The following SLC9A7 variants were observed in gnomAD, a reference collection of about 807,000 sequenced individuals.
SLC9A7 encodes sodium/hydrogen exchanger 7.
A neutral mutation model predicts 52.6 loss-of-function variants in SLC9A7; 19 were observed. That is an observed-to-expected ratio of 0.36 (90% CI 0.25 to 0.53). The LOEUF (loss-of-function observed/expected upper bound fraction) is 0.53, where lower values mean the gene tolerates loss of function less well. SLC9A7 is among the 20% of genes least tolerant of loss of function. The pLI, the probability that SLC9A7 is intolerant of heterozygous loss-of-function variation, is 0.91. For missense variants in SLC9A7, 455 were observed against 597.9 expected, an observed-to-expected ratio of 0.76 and a Z score of 2.49; for synonymous variants, 226 against 252.1, an observed-to-expected ratio of 0.90 and a Z score of 0.98.
rs1208661699 is a variant in SLC9A7, at chrX:46,600,216, C to T, written c.*6736G>A. ...CTAAATGTCCATGCAGTTAAGTCAT[C>T]CAGTAACACCTGAATTGTAGCCTTT... On this transcript the variant is annotated 3_prime_UTR_variant, in exon 17 of 17. Transcript: ENST00000616978. 8.9e-6 allele frequency: 1 copy of T among 112,181 alleles called. No homozygotes were observed. Among genetic ancestry groups the T allele is most frequent in the Non-Finnish European group, 1.9e-5 (1 of 53,283 alleles). The allele number at this position is 112,181 out of a possible 1,213,427, so 9.2% of individuals were successfully genotyped here.
intron 1 of SLC9A7, chrX:46,725,826 G>T: frequency 1.6e-6 from 1 of 617,078 alleles, no homozygotes; most frequent in East Asian, 3.4e-5. Flanking sequence ...GATCTTGAGC[G>T]GCCGCAAAGA....
chrX:46,752,842 C>T (rs1218319830), intron 1 of SLC9A7, among the ~76,000 whole-genome samples: 4 of 111,544 alleles, frequency 3.6e-5, no homozygotes, highest in African/African-American at 1.3e-4. Flanking sequence ...TACCATGTTC[C>T]CCAATAACCT....
intron 1 of SLC9A7, among the ~76,000 whole-genome samples, chrX:46,684,361 C>T (rs1209465122): frequency 9.0e-6 from 1 of 110,627 alleles, no homozygotes; most frequent in Non-Finnish European, 1.9e-5. Flanking sequence ...TGCGCTATCA[C>T]ACCCAGCTAA....
intron 1 of SLC9A7, among the ~76,000 whole-genome samples, chrX:46,740,152 CCAAAGGA>C (rs1265284222): frequency 3.6e-5 from 4 of 111,290 alleles, no homozygotes; most frequent in Non-Finnish European, 7.5e-5. Flanking sequence ...AAAATAAATA[CCAAAGGA>C]CAGAGTGTAT....
intron 12 of SLC9A7, among the ~76,000 whole-genome samples, chrX:46,636,095 T>C (rs1040368121): frequency 8.9e-6 from 1 of 112,005 alleles, no homozygotes; most frequent in African/African-American, 3.3e-5. Context: ...AAGCATGATA[T>C]TATTGAAAAA....
intron 15 of SLC9A7, among the ~76,000 whole-genome samples, chrX:46,620,662 G>A (rs748976599): frequency 9.0e-6 from 1 of 111,332 alleles, no homozygotes; most frequent in African/African-American, 3.3e-5. Context: ...ACCACAGCAC[G>A]ATTCATTGCG....
intron 3 of SLC9A7, among the ~76,000 whole-genome samples, chrX:46,674,835 T>C (rs1291783829): frequency 9.0e-6 from 1 of 111,614 alleles, no homozygotes; most frequent in African/African-American, 3.3e-5. Context: ...TGGCATGCCC[T>C]GGCAAAGTCT....
In SLC9A7 at chrX:46,742,486, T is replaced by C. The variant is rs188963408; in HGVS notation, c.325+16219A>G. Reference sequence around the variant, plus strand: ...ACAAGGGTGAATCTCCAAGGCATTATGAAGAGTGAAAAGGCTAGTCCCAAA... The same window carrying C: ...ACAAGGGTGAATCTCCAAGGCATTACGAAGAGTGAAAAGGCTAGTCCCAAA... On this transcript the variant is annotated intron_variant, in intron 1 of 16. Coordinates refer to ENST00000616978, the MANE Select transcript of SLC9A7 (RefSeq NM_001257291.2). Among the ~76,000 whole-genome samples, 13 of 110,618 alleles carry C rather than the reference T, an allele frequency of 1.2e-4. No homozygotes were observed. In the East Asian group the frequency reaches 2.2e-3, roughly 19 times the overall value.
At chrX:46,717,636 T>A (rs1278177819) in intron 1 of SLC9A7, among the ~76,000 whole-genome samples, 2 of 111,688 alleles carry the variant, frequency 1.8e-5, no homozygotes, top group Non-Finnish European at 3.8e-5. Context: ...CATCTCAGCC[T>A]CCCAAAGTGC....
intron 1 of SLC9A7, among the ~76,000 whole-genome samples, chrX:46,704,746 G>A (rs779874902): frequency 3.6e-5 from 4 of 111,549 alleles, no homozygotes; most frequent in Non-Finnish European, 5.6e-5. Context: ...TACCCAACTG[G>A]TGGACCCTGT....
intron 1 of SLC9A7, among the ~76,000 whole-genome samples, chrX:46,727,101 T>C (rs1438096667): frequency 8.9e-6 from 1 of 111,819 alleles, no homozygotes; most frequent in East Asian, 2.8e-4. Context: ...TGAATGCCAA[T>C]TCACTTTTTA....
At chrX:46,702,165 G>A (rs919844666) in intron 1 of SLC9A7, among the ~76,000 whole-genome samples, 2 of 111,727 alleles carry the variant, frequency 1.8e-5, no homozygotes, top group African/African-American at 6.5e-5. Flanking sequence ...TGGTCTCACT[G>A]CTGTGTAGTA....
rs147756324 is a variant in SLC9A7, at chrX:46,628,227, G to A, written c.1740+3359C>T. 3.1e-3 allele frequency among the ~76,000 whole-genome samples: 344 copies of A among 112,096 alleles called. 3 individuals carry two copies. The highest frequency in any genetic ancestry group is 0.011 in the African/African-American group (332 of 30,853). On this transcript the variant is annotated intron_variant, in intron 14 of 16. Coordinates refer to ENST00000616978, the MANE Select transcript of SLC9A7 (RefSeq NM_001257291.2). ...AAGTGAATGATGTGTCTGCATGTAC[G>A]GCCAACAGAAATCTCAGCTGTCTGG...
chrX:46,711,877 T>C (rs1420714388), intron 1 of SLC9A7, among the ~76,000 whole-genome samples: 1 of 92,254 alleles, frequency 1.1e-5, no homozygotes, highest in Non-Finnish European at 2.1e-5. Context: ...AGGCACTCCC[T>C]TTAACGGCAC....
At chrX:46,727,550 G>A (rs771327427) in intron 1 of SLC9A7, among the ~76,000 whole-genome samples, 3 of 112,014 alleles carry the variant, frequency 2.7e-5, no homozygotes, top group Non-Finnish European at 3.8e-5. Context: ...AGGAAGATAC[G>A]CCAGAGGGAT....
intron 12 of SLC9A7, 109 bp downstream of exon 12, chrX:46,643,127 A>G (rs1199378933): frequency 1.4e-6 from 1 of 711,115 alleles, no homozygotes; most frequent in African/African-American, 2.1e-5. Context: ...AAAACCAAAG[A>G]CTGTAAAAGG....
intron 1 of SLC9A7, among the ~76,000 whole-genome samples, chrX:46,732,169 T>C (rs752608827): frequency 7.2e-5 from 8 of 111,336 alleles, no homozygotes; most frequent in Non-Finnish European, 1.5e-4. Context: ...GAGGTTGCAG[T>C]AAACTGAGAT....
At position 46,694,651 on chromosome X, in the gene SLC9A7, TGTG is replaced by T. The variant is rs758608487; in HGVS notation, c.326-12119_326-12117del. Among the ~76,000 whole-genome samples the T allele has an allele frequency of 6.6e-3, 735 of 112,010 alleles. 6 individuals carry two copies. Among genetic ancestry groups the T allele is most frequent in the African/African-American group, 0.023 (704 of 30,821 alleles). On this transcript the variant is annotated intron_variant, in intron 1 of 16. Transcript: ENST00000616978. ...TACGCTGCTGGTGGGAATGTATAAT[TGTG>T]CAGCCACTTTGGAAAACAGTTTGCA...
chrX:46,613,501 C>A (rs1893854538), intron 15 of SLC9A7, 107 bp from the exon 16 acceptor site: 1 of 494,915 alleles, frequency 2.0e-6, no homozygotes, highest in Admixed American at 3.9e-5. Context: ...TTCTTTTCCC[C>A]ATTTTACTCG....
Sources: gnomAD v4.1 joint callset for allele counts (sites outside exome capture counted in the v4.1 genomes callset) on GRCh38, gnomAD v4.1.1 for gene constraint, MANE v1.5 for transcripts, NCBI Gene and HGNC (gene_info 2026-07-23, HGNC 2026-07-21) for gene names.